CCDC171: variants seen among roughly 807,000 people sequenced by gnomAD.
CCDC171 encodes the protein coiled-coil domain containing 171.
Under a neutral mutation model 168.2 loss-of-function variants are expected in CCDC171, and 177 were observed. That is an observed-to-expected ratio of 1.05 (90% confidence interval 0.93 to 1.19). The LOEUF is 1.19. Among genes scored for constraint, CCDC171 ranks in the 50% most tolerant of loss-of-function variants. The pLI, the probability that CCDC171 is intolerant of heterozygous loss-of-function variation, is 0.00. For synonymous variants in CCDC171, 687 were observed against 540.8 expected (o/e 1.27, Z -3.75); for missense variants, 1,991 against 1,539.0 (o/e 1.29, Z -4.91).
Position 15,594,188 on chromosome 9 carries a change from T to C in CCDC171, c.675+16T>C. The C allele has an allele frequency of 8.0e-7, 1 of 1,252,860 alleles. No homozygotes were observed. Among genetic ancestry groups the C allele is most frequent in the Non-Finnish European group, 1.1e-6 (1 of 882,496 alleles). The allele number at this position is 1,252,860 out of a possible 1,614,324, so 77.6% of individuals were successfully genotyped here. On this transcript the variant is annotated intron_variant, in intron 6 of 25. Transcript: ENST00000380701. The stretch of plus-strand genomic sequence containing the variant: ...TATAGTACAGGTATTTTAAAAATAA[T>C]CAGTTCCTTAAATATATATTTTTAA...
intron 4 of CCDC171, among the ~76,000 whole-genome samples, chr9:15,585,059 A>G (rs1470778442): frequency 1.3e-5 from 2 of 152,264 alleles, no homozygotes; most frequent in South Asian, 4.1e-4. Flanking sequence ...CTAAACACCT[A>G]TCAGGTGGCT....
chr9:16,034,226 G>C (rs1833421781), intron 6 of CCDC171, among the ~76,000 whole-genome samples: 1 of 152,194 alleles, frequency 6.6e-6, no homozygotes, highest in African/African-American at 2.4e-5. Context: ...TTTGTAGCAA[G>C]AGGCGTGACT....
chr9:15,831,310 C>T (rs1253327016), intron 21 of CCDC171, among the ~76,000 whole-genome samples: 1 of 151,910 alleles, frequency 6.6e-6, no homozygotes, highest in Non-Finnish European at 1.5e-5. Flanking sequence ...TTCGTAAGTG[C>T]TTAAAAAAAG....
chr9:15,967,314 A>G (rs1014042889), intron 25 of CCDC171, among the ~76,000 whole-genome samples: 7 of 152,350 alleles, frequency 4.6e-5, no homozygotes, highest in South Asian at 2.1e-4. Context: ...AAAGCAGTCA[A>G]TAATTTACAG....
chr9:15,881,533 A>T (rs969138820), intron 24 of CCDC171, among the ~76,000 whole-genome samples: 6 of 152,164 alleles, frequency 3.9e-5, no homozygotes, highest in African/African-American at 1.4e-4. Flanking sequence ...ATTATTGTAA[A>T]CTGTAGTTAC....
At chr9:15,936,882 C>T (rs1162290929) in intron 25 of CCDC171, among the ~76,000 whole-genome samples, 1 of 151,962 alleles carries the variant, frequency 6.6e-6, no homozygotes, top group East Asian at 1.9e-4. Flanking sequence ...ACTAAAGTCA[C>T]CCTGTTTGAC....
chr9:15,904,792 A>C lies in CCDC171; in HGVS notation c.3601-15478A>C, dbSNP rs1475598697. The stretch of plus-strand genomic sequence containing the variant: ...CAGGAAAGCCATCTCACGTGCAGAG[A>C]CACACATAGGCTCAAAATAAAAGGA... On this transcript the variant is annotated intron_variant, in intron 24 of 25. Transcript: ENST00000380701. 2.0e-5 allele frequency among the ~76,000 whole-genome samples: 3 copies of C among 152,050 alleles called. No homozygotes were observed. The East Asian group carries it at 5.8e-4, about 29-fold the overall frequency.
rs1326741992 is a variant in CCDC171, at chr9:15,675,197, T to TG, written c.1077-3561_1077-3560insG. Among the ~76,000 whole-genome samples the TG allele has an allele frequency of 3.4e-5, 5 of 144,966 alleles. No homozygotes were observed. In the South Asian group the frequency reaches 8.8e-4, roughly 26 times the overall value. ...AGGATTGCAACTCCTGTTTTTTTTT[T>TG]TTTTTTTTTTTGCTTTCCATTTGCT... is the stretch of plus-strand genomic sequence containing the variant. On this transcript the variant is annotated intron_variant, in intron 9 of 25. Transcript: ENST00000380701.
chr9:15,869,889 A>G (rs2061960905), intron 23 of CCDC171, among the ~76,000 whole-genome samples: 1 of 151,844 alleles, frequency 6.6e-6, no homozygotes, highest in African/African-American at 2.4e-5. Context: ...TTCTCTGGTG[A>G]GAGATAGTCA....
chr9:16,005,979 C>G (rs1251984593), intron 3 of CCDC171, among the ~76,000 whole-genome samples: 1 of 152,116 alleles, frequency 6.6e-6, no homozygotes, highest in Non-Finnish European at 1.5e-5. Flanking sequence ...CCTGCCTCAG[C>G]CTCCTGAGTG....
intron 24 of CCDC171, among the ~76,000 whole-genome samples, chr9:15,903,896 C>T (rs188145762): frequency 6.8e-4 from 104 of 152,070 alleles, no homozygotes; most frequent in African/African-American, 2.3e-3. Context: ...CCTCAGTAGC[C>T]GATTTGATCA....
chr9:16,068,344 G>T, the CCDC171 span, among the ~76,000 whole-genome samples: 2 of 152,126 alleles, frequency 1.3e-5, no homozygotes, highest in Non-Finnish European at 2.9e-5. Context: ...AATGCTCATG[G>T]GTAGGAAGAA....
At chr9:15,718,025 G>C (rs1454384567) in intron 11 of CCDC171, among the ~76,000 whole-genome samples, 2 of 151,956 alleles carry the variant, frequency 1.3e-5, no homozygotes, top group Admixed American at 6.5e-5. Flanking sequence ...GCACCAAGTG[G>C]GTTCTTGGGG....
chr9:16,090,376 T>C, the CCDC171 span, among the ~76,000 whole-genome samples: 4 of 150,808 alleles, frequency 2.7e-5, no homozygotes, highest in East Asian at 7.9e-4. Flanking sequence ...TGAAAACACA[T>C]GGACACAGGG....
chr9:16,034,552 TTACTG>T (rs1833429189), intron 6 of CCDC171, among the ~76,000 whole-genome samples: 2 of 152,282 alleles, frequency 1.3e-5, no homozygotes, highest in South Asian at 4.1e-4. Context: ...GTGGAGGTCA[TTACTG>T]TAATTAGATG....
chr9:15,724,860 A>C lies in CCDC171; in HGVS notation c.1576A>C (p.Thr526Pro), dbSNP rs752839179. Residue 526 changes from threonine (T) to proline (P), a missense_variant, in exon 14 of 26, where the codon ACT becomes CCT. Thr to Pro is a conservative substitution (Grantham distance 38). Transcript: ENST00000380701. ...KCADREALISTLKVELQNVLH... is the reference protein window; with the variant it reads ...KCADREALISPLKVELQNVLH... Reference sequence around the variant, plus strand: ...TGCAGACCGAGAGGCTTTAATAAGCACTTTAAAAGTGGAACTACAAAATGT... The same window carrying C: ...TGCAGACCGAGAGGCTTTAATAAGCCCTTTAAAAGTGGAACTACAAAATGT... 6.2e-7 allele frequency: 1 copy of C among 1,613,826 alleles called. No homozygotes were observed. Among genetic ancestry groups the C allele is most frequent in the South Asian group, 1.1e-5 (1 of 91,084 alleles).
intron 18 of CCDC171, among the ~76,000 whole-genome samples, chr9:15,772,568 G>A (rs958300597): frequency 6.6e-6 from 1 of 152,194 alleles, no homozygotes; most frequent in African/African-American, 2.4e-5. Context: ...CTTAAAAGGA[G>A]TTGCATATAA....
chr9:15,918,238 C>T (rs1824815154), intron 24 of CCDC171, among the ~76,000 whole-genome samples: 1 of 151,576 alleles, frequency 6.6e-6, no homozygotes, highest in Non-Finnish European at 1.5e-5. Flanking sequence ...ATGTAATATG[C>T]TACATGGTCC....
At chr9:15,722,261 T>C (rs1019898266) in intron 12 of CCDC171, among the ~76,000 whole-genome samples, 3 of 152,216 alleles carry the variant, frequency 2.0e-5, no homozygotes, top group Admixed American at 6.5e-5. Flanking sequence ...GTCAGTGTTT[T>C]AGGTTAAGAT....
Sources: gnomAD v4.1 joint callset for allele counts (sites outside exome capture counted in the v4.1 genomes callset) on GRCh38, gnomAD v4.1.1 for gene constraint, MANE v1.5 for transcripts, NCBI Gene and HGNC (gene_info 2026-07-23, HGNC 2026-07-21) for gene names.